NHSL2: variants seen among roughly 807,000 people sequenced by gnomAD.
NHSL2 encodes NHS like 2, also known as NHS-like protein 2.
Under a neutral mutation model 53.4 loss-of-function variants are expected in NHSL2, and 27 were observed. The ratio of observed to expected loss-of-function variants is 0.51; its 90% CI spans 0.37 to 0.70. NHSL2 has a LOEUF of 0.70. Ranked by LOEUF, NHSL2 falls within the 30% of genes least tolerant of loss-of-function variation. The pLI, the probability that NHSL2 is intolerant of heterozygous loss-of-function variation, is 0.00. For synonymous variants in NHSL2, 408 were observed against 404.1 expected, an observed-to-expected ratio of 1.01 and a Z score of -0.12; for missense variants, 892 against 980.1, an observed-to-expected ratio of 0.91 and a Z score of 1.20.
At chrX:71,956,811 C>T (rs1490143870) in intron 1 of NHSL2, among the ~76,000 whole-genome samples, 1 of 111,553 alleles carries the variant, frequency 9.0e-6, no homozygotes, top group African/African-American at 3.3e-5. Context: ...TGCACTGCCC[C>T]ACACTCCATT....
At chrX:72,126,243 CA>C (rs2042224472) in intron 1 of NHSL2, among the ~76,000 whole-genome samples, 1 of 111,521 alleles carries the variant, frequency 9.0e-6, no homozygotes, top group Non-Finnish European at 1.9e-5. Context: ...AAGCTGGAGG[CA>C]GGGGGGGTAG....
At chrX:71,921,971 A>G (rs917652956) in intron 1 of NHSL2, among the ~76,000 whole-genome samples, 1 of 112,436 alleles carries the variant, frequency 8.9e-6, no homozygotes, top group East Asian at 2.8e-4. Flanking sequence ...GTATCCACAA[A>G]TATAATTTGT....
Position 72,132,065 on chromosome X carries a change from C to G in NHSL2, c.281-14C>G. 1 of 1,166,107 alleles carries G rather than the reference C, an allele frequency of 8.6e-7. No homozygotes were observed. Among genetic ancestry groups the G allele is most frequent in the African/African-American group, 1.8e-5 (1 of 56,399 alleles). ...AGCTCGCCTGCGCCTCTCACTGACT[C>G]TCTCCTTCCCTAGCTGCAGCTAACT... is the stretch of plus-strand genomic sequence containing the variant. On this transcript the variant is annotated splice_polypyrimidine_tract_variant and intron_variant, in intron 1 of 7. Coordinates refer to ENST00000633930, the MANE Select transcript of NHSL2 (RefSeq NM_001013627.3).
intron 1 of NHSL2, among the ~76,000 whole-genome samples, chrX:72,043,357 A>T (rs962785469): frequency 9.0e-6 from 1 of 111,352 alleles, no homozygotes; most frequent in Non-Finnish European, 1.9e-5. Context: ...GATATTATTA[A>T]TATTAATATA....
In NHSL2 at chrX:72,139,820, A is replaced by G. The variant is rs1454097518; in HGVS notation, c.2272A>G (p.Thr758Ala). 3 of 1,208,393 alleles carry G rather than the reference A, an allele frequency of 2.5e-6. No homozygotes were observed. In the African/African-American group the frequency reaches 5.3e-5, roughly 21 times the overall value. ...VPERKSSLPPTSPMEKFPKSR... is the reference protein window; with the variant it reads ...VPERKSSLPPASPMEKFPKSR... ...TGAGAGGAAGTCATCACTACCCCCG[A>G]CGTCACCAATGGAGAAATTTCCCAA... The change falls in exon 6 of 8, where the codon ACG (threonine) becomes GCG (alanine). Residue 758 changes from threonine to alanine, a missense_variant. Thr to Ala is a moderately conservative substitution (Grantham distance 58). Transcript: ENST00000633930.
chrX:72,017,005 G>T (rs1340543551), intron 1 of NHSL2, among the ~76,000 whole-genome samples: 1 of 111,794 alleles, frequency 8.9e-6, no homozygotes, highest in Non-Finnish European at 1.9e-5. Context: ...AAGTTATCAT[G>T]AATGGTGGAG....
intron 1 of NHSL2, among the ~76,000 whole-genome samples, chrX:71,925,019 C>A (rs1195634113): frequency 2.7e-5 from 3 of 112,379 alleles, no homozygotes; most frequent in Non-Finnish European, 3.8e-5. Flanking sequence ...GAAGTAGGCA[C>A]ACTGTGAATG....
At chrX:72,130,142 G>T (rs1402456185) in intron 1 of NHSL2, 1 of 1,208,209 alleles carries the variant, frequency 8.3e-7, no homozygotes, top group African/African-American at 1.8e-5. Context: ...ATCTCCATCA[G>T]CTCATCTAGG....
chrX:72,097,795 G>GA (rs766301851), intron 1 of NHSL2, among the ~76,000 whole-genome samples: 1 of 112,026 alleles, frequency 8.9e-6, no homozygotes, highest in Non-Finnish European at 1.9e-5. Context: ...AACCGCTATA[G>GA]TTCTCTTTTC....
intron 1 of NHSL2, among the ~76,000 whole-genome samples, chrX:72,088,606 G>A (rs1243246397): frequency 9.0e-6 from 1 of 111,670 alleles, no homozygotes; most frequent in Non-Finnish European, 1.9e-5. Flanking sequence ...ACTCTTCTGG[G>A]CATTAACACC....
chrX:71,986,755 C>T (rs1008515208), intron 1 of NHSL2, among the ~76,000 whole-genome samples: 4 of 111,654 alleles, frequency 3.6e-5, no homozygotes, highest in Admixed American at 9.5e-5. Flanking sequence ...TATTTGGACA[C>T]GTGGGCCCAA....
chrX:71,976,270 ATC>A lies in NHSL2; in HGVS notation c.280+64905_280+64906del, dbSNP rs2041947688. Among the ~76,000 whole-genome samples, 17 of 112,212 alleles carry A rather than the reference ATC, an allele frequency of 1.5e-4. No homozygotes were observed. The Admixed American group carries it at 1.6e-3, about 11-fold the overall frequency. On this transcript the variant is annotated intron_variant, in intron 1 of 7. Coordinates refer to ENST00000633930, the MANE Select transcript of NHSL2 (RefSeq NM_001013627.3). Reference sequence around the variant, plus strand: ...CCAGCTGCCATTTATAAGCTAGGTAATCTTGGGCAAGTTAGTTCACCTTTCTG... The same window carrying A: ...CCAGCTGCCATTTATAAGCTAGGTAATTGGGCAAGTTAGTTCACCTTTCTG...
At chrX:71,923,197 G>A (rs1271295141) in intron 1 of NHSL2, among the ~76,000 whole-genome samples, 2 of 111,613 alleles carry the variant, frequency 1.8e-5, no homozygotes, top group African/African-American at 6.5e-5. Flanking sequence ...CAGGTAGAGG[G>A]ATGGCAAAGG....
chrX:71,926,295 A>G (rs2041684780), intron 1 of NHSL2, among the ~76,000 whole-genome samples: 1 of 112,091 alleles, frequency 8.9e-6, no homozygotes, highest in Non-Finnish European at 1.9e-5. Flanking sequence ...AAACCAAGAA[A>G]CCATTTGCAC....
chrX:72,083,571 T>G (rs1021447487), intron 1 of NHSL2, among the ~76,000 whole-genome samples: 2 of 112,354 alleles, frequency 1.8e-5, no homozygotes, highest in Non-Finnish European at 3.8e-5. Context: ...TTAATTACTC[T>G]CTTCTGTTCT....
intron 1 of NHSL2, among the ~76,000 whole-genome samples, chrX:71,981,269 C>T (rs2041977062): frequency 8.9e-6 from 1 of 112,522 alleles, no homozygotes; most frequent in Non-Finnish European, 1.9e-5. Flanking sequence ...AATCTTATGG[C>T]CAGGTACAGT....
intron 1 of NHSL2, among the ~76,000 whole-genome samples, chrX:72,117,630 C>T (rs1013037707): frequency 6.4e-5 from 7 of 110,008 alleles, no homozygotes; most frequent in African/African-American, 2.3e-4. Context: ...AACCACTAAT[C>T]GACTTTGTGT....
chrX:72,139,591 C>T lies in NHSL2; in HGVS notation c.2043C>T (p.Thr681=), dbSNP rs747145314. 2.2e-5 allele frequency: 26 copies of T among 1,208,769 alleles called. No individual in the cohort carries two copies. Among genetic ancestry groups the T allele is most frequent in the Non-Finnish European group, 2.9e-5 (26 of 894,368 alleles). ...CAGAGTCTCTTGCCTCACCTTCCAC[C>T]TCCAGAGCCACTACACCTTCCCAAC... ...GSSESLASPS[T]SRATTPSQLS... is the part of the protein sequence containing the mutation. The change falls in exon 6 of 8, where the codon ACC becomes ACT. Residue 681 remains threonine (T), a synonymous_variant. Coordinates refer to ENST00000633930, the MANE Select transcript of NHSL2 (RefSeq NM_001013627.3).
intron 1 of NHSL2, among the ~76,000 whole-genome samples, chrX:72,091,717 G>A (rs2041901547): frequency 9.0e-6 from 1 of 111,223 alleles, no homozygotes; most frequent in African/African-American, 3.3e-5. Flanking sequence ...ATAGCCCAGC[G>A]GTGGATGTAG....
Sources: allele counts gnomAD v4.1 joint callset (sites outside exome capture counted in the v4.1 genomes callset), GRCh38; gene constraint gnomAD v4.1.1; transcripts MANE v1.5; gene names NCBI Gene and HGNC (gene_info 2026-07-23, HGNC 2026-07-21).